Variants in PRR16 observed in about 807,000 individuals in gnomAD.
The protein encoded by PRR16 is protein Largen.
Under a neutral mutation model 18.2 loss-of-function variants are expected in PRR16, and 6 were observed. That is an observed-to-expected ratio of 0.33 (90% CI 0.18 to 0.65). PRR16 has a LOEUF of 0.65. Ranked by LOEUF, PRR16 falls within the 30% of genes least tolerant of loss-of-function variation. The pLI, the probability that PRR16 is intolerant of heterozygous loss-of-function variation, is 0.74. For missense variants in PRR16, 412 were observed against 376.6 expected (o/e 1.09, Z -0.78); for synonymous variants, 151 against 147.8 (o/e 1.02, Z -0.16).
At chr5:120,513,820 A>G (rs1413633382) in intron 1 of PRR16, among the ~76,000 whole-genome samples, 4 of 150,040 alleles carry the variant, frequency 2.7e-5, no homozygotes, top group Non-Finnish European at 5.9e-5. Flanking sequence ...GTGCAATAGC[A>G]TGATCTCTGC....
chr5:120,487,724 C>G (rs951075835), intron 1 of PRR16, among the ~76,000 whole-genome samples: 3 of 152,224 alleles, frequency 2.0e-5, no homozygotes, highest in South Asian at 4.2e-4. Flanking sequence ...CTGTCTTGTG[C>G]CAGTTTTCAA....
intron 1 of PRR16, among the ~76,000 whole-genome samples, chr5:120,590,663 T>C (rs1265801085): frequency 6.6e-6 from 1 of 152,140 alleles, no homozygotes; most frequent in Admixed American, 6.6e-5. Flanking sequence ...TATCACTATG[T>C]GGCTGCTTCT....
chr5:120,556,026 T>C (rs530355508), intron 1 of PRR16, among the ~76,000 whole-genome samples: 9 of 151,866 alleles, frequency 5.9e-5, no homozygotes, highest in African/African-American at 2.2e-4. Flanking sequence ...ACCTGTACCA[T>C]ACTGAGATTC....
intron 1 of PRR16, among the ~76,000 whole-genome samples, chr5:120,650,088 C>T (rs762036502): frequency 7.3e-5 from 11 of 151,682 alleles, no homozygotes; most frequent in East Asian, 2.0e-4. Context: ...TGTGGCAGCG[C>T]GCGTCTGTAG....
chr5:120,500,670 G>A (rs1750419421), intron 1 of PRR16, among the ~76,000 whole-genome samples: 2 of 152,256 alleles, frequency 1.3e-5, no homozygotes, highest in South Asian at 4.1e-4. Flanking sequence ...ATTAGATAAT[G>A]GAAACACCAC....
At chr5:120,787,579 C>T in the PRR16 span, among the ~76,000 whole-genome samples, 2 of 152,040 alleles carry the variant, frequency 1.3e-5, no homozygotes, top group African/African-American at 4.8e-5. Flanking sequence ...CAAGAAACGC[C>T]TATAATAATG....
chr5:120,480,600 T>G (rs1749580014), intron 1 of PRR16, among the ~76,000 whole-genome samples: 1 of 152,200 alleles, frequency 6.6e-6, no homozygotes, highest in Non-Finnish European at 1.5e-5. Flanking sequence ...TTGCTTAGAT[T>G]TGAAATGTTT....
chr5:120,556,280 A>T, intron 1 of PRR16, among the ~76,000 whole-genome samples: 1 of 137,168 alleles, frequency 7.3e-6, no homozygotes, highest in Admixed American at 7.8e-5. Context: ...TGAAAACATT[A>T]AGCAATTTAC....
chr5:120,696,377 CA>C, the PRR16 span, among the ~76,000 whole-genome samples: 1 of 152,004 alleles, frequency 6.6e-6, no homozygotes, highest in Non-Finnish European at 1.5e-5. Flanking sequence ...CTTAAATTAG[CA>C]GTATTATTAA....
At chr5:120,660,401 C>T (rs1019031028) in intron 1 of PRR16, among the ~76,000 whole-genome samples, 2 of 151,984 alleles carry the variant, frequency 1.3e-5, no homozygotes, top group Non-Finnish European at 2.9e-5. Flanking sequence ...TGAGAATCTA[C>T]ATTTAAATAA....
At chr5:120,539,084 G>A (rs1751824213) in intron 1 of PRR16, among the ~76,000 whole-genome samples, 1 of 152,070 alleles carries the variant, frequency 6.6e-6, no homozygotes, top group Non-Finnish European at 1.5e-5. Flanking sequence ...ATGGCTGTTA[G>A]CATTTTGTGA....
intron 1 of PRR16, among the ~76,000 whole-genome samples, chr5:120,482,058 G>A (rs559538636): frequency 1.1e-4 from 17 of 152,048 alleles, no homozygotes; most frequent in Non-Finnish European, 2.2e-4. Context: ...GTTATACAAA[G>A]AATGAAAAAT....
At chr5:120,503,947 T>A (rs1224215592) in intron 1 of PRR16, among the ~76,000 whole-genome samples, 1 of 152,132 alleles carries the variant, frequency 6.6e-6, no homozygotes, top group Non-Finnish European at 1.5e-5. Context: ...ATTTCATCCA[T>A]GTCCCTACAA....
intron 1 of PRR16, among the ~76,000 whole-genome samples, chr5:120,685,327 A>G (rs542854977): frequency 1.3e-5 from 2 of 152,312 alleles, no homozygotes; most frequent in South Asian, 2.1e-4. Flanking sequence ...CTAAATTGTC[A>G]TAATAGCACA....
At chr5:120,563,844 A>G (rs1033198759) in intron 1 of PRR16, among the ~76,000 whole-genome samples, 1 of 152,172 alleles carries the variant, frequency 6.6e-6, no homozygotes, top group Non-Finnish European at 1.5e-5. Context: ...CATAGCCACC[A>G]TAGCTGGGAA....
At chr5:120,584,577 C>A (rs372722957) in intron 1 of PRR16, among the ~76,000 whole-genome samples, 32 of 152,196 alleles carry the variant, frequency 2.1e-4, no homozygotes, top group African/African-American at 7.5e-4. Context: ...GTTCCCCAGG[C>A]ATTTTCTAAT....
rs764431884 is a variant in PRR16, at chr5:120,686,745, T to A, written c.*36T>A. 2.2e-6 allele frequency: 3 copies of A among 1,368,650 alleles called. No individual in the cohort carries two copies. In the South Asian group the frequency reaches 5.4e-5, roughly 25 times the overall value. The allele number at this position is 1,368,650 out of a possible 1,614,324, so 84.8% of individuals were successfully genotyped here. ...TAAAAAAATTGTTTTTTTAATTTTC[T>A]ATATTATAAACATAAAATAAGTAAT... On this transcript the variant is annotated 3_prime_UTR_variant, in exon 2 of 2. Transcript: ENST00000407149.
chr5:120,478,249 A>G (rs2112807164), intron 1 of PRR16, among the ~76,000 whole-genome samples: 1 of 152,350 alleles, frequency 6.6e-6, no homozygotes, highest in South Asian at 2.1e-4. Flanking sequence ...ATATTTGCAG[A>G]GAAGGAACAA....
chr5:120,767,139 A>AATTAACAGCAAATAATTTT, the PRR16 span, among the ~76,000 whole-genome samples: 4 of 151,958 alleles, frequency 2.6e-5, no homozygotes, highest in African/African-American at 9.7e-5. Flanking sequence ...ACACAGCAAG[A>AATTAACAGCAAATAATTTT]ATTAACAGCA....
Sources: allele counts gnomAD v4.1 joint callset (sites outside exome capture counted in the v4.1 genomes callset), GRCh38; gene constraint gnomAD v4.1.1; transcripts MANE v1.5; gene names NCBI Gene and HGNC (gene_info 2026-07-23, HGNC 2026-07-21).